CD36: variants seen among roughly 807,000 people sequenced by gnomAD.
CD36 encodes CD36 molecule (CD36 blood group), also known as platelet glycoprotein 4.
CD36 carries 119 observed loss-of-function variants against 55.2 expected under a neutral mutation model. The observed-to-expected ratio is 2.15, with a 90% CI of 1.86 to 2.51. CD36 has a LOEUF of 2.51. Ranked by LOEUF, CD36 falls within the 30% of genes most tolerant of loss-of-function variation. The pLI, the probability that CD36 is intolerant of heterozygous loss-of-function variation, is 0.00. For missense variants in CD36, 819 were observed against 555.5 expected, an observed-to-expected ratio of 1.47 and a Z score of -4.77; for synonymous variants, 186 against 193.6, an observed-to-expected ratio of 0.96 and a Z score of 0.33.
intron 7 of CD36, 98 bp downstream of exon 7, chr7:80,664,595 T>C: frequency 1.3e-6 from 1 of 772,596 alleles, no homozygotes; most frequent in Non-Finnish European, 2.4e-6. Flanking sequence ...CATCAACCTA[T>C]AGAACAGACC....
chr7:80,661,142 A>G lies in CD36; in HGVS notation c.361A>G (p.Ile121Val), dbSNP rs1202563565. Residue 121 changes from isoleucine (I) to valine (V), a missense_variant, in exon 5 of 15, where the codon ATC (isoleucine) becomes GTC (valine). Physicochemically the swap from Ile to Val is conservative, Grantham distance 29 (BLOSUM62 3). Coordinates refer to ENST00000447544, the MANE Select transcript of CD36 (RefSeq NM_001001548.3). ...TVSFLQPNGA[I>V]FEPSLSVGTE... Reference sequence around the variant, plus strand: ...CTCTTTCCTGCAGCCCAATGGTGCCATCTTCGAACCTTCACTATCAGTTGG... The same window carrying G: ...CTCTTTCCTGCAGCCCAATGGTGCCGTCTTCGAACCTTCACTATCAGTTGG... The G allele has an allele frequency of 2.5e-6, 4 of 1,613,922 alleles. No individual in the cohort carries two copies. The highest frequency in any genetic ancestry group is 2.7e-5 in the African/African-American group (2 of 74,944).
At chr7:80,668,264 A>G (rs1797311862) in intron 8 of CD36, among the ~76,000 whole-genome samples, 1 of 152,196 alleles carries the variant, frequency 6.6e-6, no homozygotes, top group Admixed American at 6.5e-5. Context: ...TTCATTGACA[A>G]TAATAGAAAT....
upstream of CD36, among the ~76,000 whole-genome samples, chr7:80,637,161 C>A (rs1189966803): frequency 6.6e-6 from 1 of 151,818 alleles, no homozygotes; most frequent in Non-Finnish European, 1.5e-5. Context: ...CGTTGGTAAT[C>A]TTTTTCTGAA....
At chr7:80,672,094 GAAATAA>G (rs1797739398) in intron 11 of CD36, 54 bp downstream of exon 11, 11 of 1,327,438 alleles carry the variant, frequency 8.3e-6, no homozygotes, top group Non-Finnish European at 1.1e-5. Context: ...AAATACAATT[GAAATAA>G]AAATAATCTT....
intron 8 of CD36, 135 bp from the exon 9 acceptor site, chr7:80,669,818 A>T: frequency 1.3e-6 from 1 of 743,330 alleles, no homozygotes; most frequent in Non-Finnish European, 2.4e-6. Flanking sequence ...TTTACCTTTT[A>T]AAAATGTGGC....
chr7:80,619,130 G>GAT lies in CD36; in HGVS notation c.-184+16751_-184+16752insAT, dbSNP rs1298469999. Among the ~76,000 whole-genome samples, 6 of 152,126 alleles carry GAT rather than the reference G, an allele frequency of 3.9e-5. No individual in the cohort carries two copies. In the South Asian group the frequency reaches 1.0e-3, roughly 26 times the overall value. ...TTCAGAATGATTCAAAGTCTACTTT[G>GAT]CTTGAGCTCTATAAATGGAACAACA... On this transcript the variant is annotated intron_variant, in intron 1 of 13. Transcript: ENST00000309881.
intron 6 of CD36, 55 bp downstream of exon 6, chr7:80,663,224 T>A: frequency 7.1e-7 from 1 of 1,410,948 alleles, no homozygotes; most frequent in Non-Finnish European, 1.0e-6. Context: ...ATTAATTCAA[T>A]GGCATTGGCA....
intron 3 of CD36, among the ~76,000 whole-genome samples, chr7:80,654,222 C>G (rs1795840390): frequency 6.6e-6 from 1 of 152,178 alleles, no homozygotes. Flanking sequence ...GCATTCAATC[C>G]TGTCAAGCAC....
At chr7:80,638,169 T>C (rs1794552160), upstream of CD36, among the ~76,000 whole-genome samples, 1 of 151,968 alleles carries the variant, frequency 6.6e-6, no homozygotes, top group African/African-American at 2.4e-5. Context: ...GAATTATTAG[T>C]CTCACAGTAT....
At chr7:80,604,831 A>C (rs1433606229) in intron 1 of CD36, among the ~76,000 whole-genome samples, 1 of 152,056 alleles carries the variant, frequency 6.6e-6, no homozygotes, top group Non-Finnish European at 1.5e-5. Flanking sequence ...TCTCATTTAA[A>C]TTTTTAGAAA....
rs778284150 is a variant in CD36 at position 80,656,544 on chromosome 7, TTGTCC to T, written c.127_131del (p.Val43ArgfsTer8). On this transcript the variant is annotated frameshift_variant, in exon 4 of 15. Transcript: ENST00000447544. LOFTEE classifies it high-confidence loss of function. ...AACTTATTTTCTTTTTCATAGCAAG[TTGTCC>T]TCGAAGAAGGTACAATTGCTTTTAA... 2 of 1,613,502 alleles carry T rather than the reference TTGTCC, an allele frequency of 1.2e-6. No homozygotes were observed. Among genetic ancestry groups the T allele is most frequent in the South Asian group, 2.2e-5 (2 of 91,072 alleles).
rs539854660 is a variant in CD36, at chr7:80,640,059, T to C, written c.-184+1313T>C. ...GAACCCTGCATGTGTGTGTATTTCC[T>C]GTGTGTTTCCTGAAAAGGAAAGTTT... On this transcript the variant is annotated intron_variant, in intron 1 of 14. Transcript: ENST00000447544. 2 of 152,142 alleles carry C rather than the reference T, an allele frequency of 1.3e-5. 1 individual carries two copies. The highest frequency in any genetic ancestry group is 3.9e-4 in the East Asian group (2 of 5,172). 9.4% of individuals were successfully genotyped at this position (152,142 alleles called of 1,614,324 possible). A position where few individuals can be genotyped will look rare whatever the true frequency, so the allele number is the denominator to read the frequency against.
At position 80,606,447 on chromosome 7, in the gene CD36, G is replaced by A. The variant is rs144101151; in HGVS notation, c.-184+4068G>A. On this transcript the variant is annotated intron_variant, in intron 1 of 13. Transcript: ENST00000309881. ...AGAAATATTCTATAATTTACAAGAC[G>A]CTAAATATATAAACTCACAGATGCT... Among the ~76,000 whole-genome samples, 11 of 152,208 alleles carry A rather than the reference G, an allele frequency of 7.2e-5. No individual in the cohort carries two copies. The East Asian group carries it at 1.7e-3, about 24-fold the overall frequency.
At chr7:80,645,316 G>A (rs550652223) in intron 1 of CD36, among the ~76,000 whole-genome samples, 4 of 150,556 alleles carry the variant, frequency 2.7e-5, no homozygotes, top group Admixed American at 1.3e-4. Flanking sequence ...CACCACGCCC[G>A]GCTCTCCCAA....
At chr7:80,661,496 TACA>T (rs1216407061) in intron 5 of CD36, among the ~76,000 whole-genome samples, 1 of 152,150 alleles carries the variant, frequency 6.6e-6, no homozygotes, top group Non-Finnish European at 1.5e-5. Flanking sequence ...AAGAAACAAG[TACA>T]ACATTTGTTT....
At chr7:80,674,471 T>G (rs557404064) in intron 14 of CD36, 12 of 262,570 alleles carry the variant, frequency 4.6e-5, no homozygotes, top group Non-Finnish European at 8.1e-5. Context: ...TATCTGATAC[T>G]TAAAAATAAT....
At chr7:80,650,422 A>T (rs1584381839) in intron 3 of CD36, among the ~76,000 whole-genome samples, 1 of 152,034 alleles carries the variant, frequency 6.6e-6, no homozygotes, top group East Asian at 1.9e-4. Flanking sequence ...TCTTTGGCAT[A>T]GAGTAGGAGT....
chr7:80,605,318 A>G (rs1306284773), intron 1 of CD36, among the ~76,000 whole-genome samples: 3 of 152,222 alleles, frequency 2.0e-5, no homozygotes, highest in African/African-American at 4.8e-5. Context: ...ATAAGAATCT[A>G]GGATCATTTT....
At chr7:80,671,874 A>C (rs750329583) in intron 10 of CD36, 48 bp from the exon 11 acceptor site, 2 of 1,568,940 alleles carry the variant, frequency 1.3e-6, no homozygotes, top group East Asian at 4.5e-5. Context: ...TTATATGTGA[A>C]ATGAAGGAAG....
Sources: gnomAD v4.1 joint callset for allele counts (sites outside exome capture counted in the v4.1 genomes callset) on GRCh38, gnomAD v4.1.1 for gene constraint, MANE v1.5 for transcripts, NCBI Gene and HGNC (gene_info 2026-07-23, HGNC 2026-07-21) for gene names.